Variants in DLG5 observed in about 807,000 individuals in gnomAD.
DLG5 encodes the protein discs large MAGUK scaffold protein 5.
Under a neutral mutation model 189.8 loss-of-function variants are expected in DLG5, and 48 were observed. The ratio of observed to expected loss-of-function variants is 0.25; its 90% confidence interval spans 0.20 to 0.32. The LOEUF is 0.32. Among genes scored for constraint, DLG5 ranks in the 10% least tolerant of loss-of-function variants. DLG5 has a pLI of 1.00. For missense variants in DLG5, 2,160 were observed against 2,544.7 expected, an observed-to-expected ratio of 0.85 and a Z score of 3.25; for synonymous variants, 1,016 against 1,054.1, an observed-to-expected ratio of 0.96 and a Z score of 0.70.
At chr10:77,823,651 C>T (rs1302699916) in intron 14 of DLG5, among the ~76,000 whole-genome samples, 1 of 151,818 alleles carries the variant, frequency 6.6e-6, no homozygotes, top group Non-Finnish European at 1.5e-5. Flanking sequence ...CTGCCTCAGT[C>T]TCCTGAGTAG....
At chr10:77,866,660 TG>T (rs1179477717) in intron 2 of DLG5, among the ~76,000 whole-genome samples, 4 of 151,866 alleles carry the variant, frequency 2.6e-5, no homozygotes, top group Non-Finnish European at 5.9e-5. Context: ...ACTGCAGACC[TG>T]GACACTGTCA....
Position 77,854,382 on chromosome 10 carries a change from A to C in DLG5, c.537-12T>G. On this transcript the variant is annotated splice_polypyrimidine_tract_variant and intron_variant, in intron 3 of 31. Transcript: ENST00000372391. ...GCCTGTGGTAGGGCCTGGCCCAGAG[A>C]GCGAATGGCCCCATGAACACAGGCC... 6.2e-7 allele frequency: 1 copy of C among 1,613,544 alleles called. No individual in the cohort carries two copies. The highest frequency in any genetic ancestry group is 2.2e-5 in the East Asian group (1 of 44,880).
chr10:77,834,136 C>A, intron 8 of DLG5, 97 bp from the exon 9 acceptor site: 1 of 1,464,894 alleles, frequency 6.8e-7, no homozygotes, highest in Non-Finnish European at 9.1e-7. Flanking sequence ...CTCCAAATAC[C>A]TGCCGGCACC....
At chr10:77,876,748 GA>G (rs60963892) in intron 1 of DLG5, among the ~76,000 whole-genome samples, 95,335 of 123,882 alleles carry the variant, frequency 0.77, 35,776 homozygotes, top group African/African-American at 0.85. Context: ...AGGAAGGAAG[GA>G]AAAAAAAAAA....
At chr10:77,830,620 C>T in intron 10 of DLG5, 121 bp downstream of exon 10, 1 of 1,480,224 alleles carries the variant, frequency 6.8e-7, no homozygotes, top group Non-Finnish European at 9.1e-7. Context: ...CCTCACACTC[C>T]TGGGAGGAAA....
chr10:77,801,268 TA>T (rs1841190001), intron 27 of DLG5, among the ~76,000 whole-genome samples: 1 of 151,874 alleles, frequency 6.6e-6, no homozygotes, highest in South Asian at 2.1e-4. Flanking sequence ...TAAAGCCTGG[TA>T]AAAAAGAACC....
chr10:77,870,996 A>G (rs1844875721), intron 1 of DLG5, among the ~76,000 whole-genome samples: 1 of 152,054 alleles, frequency 6.6e-6, no homozygotes, highest in African/African-American at 2.4e-5. Context: ...AGCAAGCAAA[A>G]AGCAACTTTG....
intron 1 of DLG5, among the ~76,000 whole-genome samples, chr10:77,897,358 A>AAAATAAATAAAT (rs566516489): frequency 6.6e-6 from 1 of 151,550 alleles, no homozygotes; most frequent in African/African-American, 2.4e-5. Flanking sequence ...TCCATCTCCA[A>AAAATAAATAAAT]AAATAAATAA....
chr10:77,794,224 G>T, intron 30 of DLG5, 107 bp from the exon 31 acceptor site: 1 of 922,670 alleles, frequency 1.1e-6, no homozygotes, highest in Non-Finnish European at 1.7e-6. Context: ...GGTAGGCTGT[G>T]GAGGGAGGCC....
At chr10:77,801,616 A>C (rs768278054) in intron 27 of DLG5, among the ~76,000 whole-genome samples, 6 of 152,232 alleles carry the variant, frequency 3.9e-5, no homozygotes, top group Non-Finnish European at 7.3e-5. Context: ...CAGGATAAAC[A>C]CAAAGAAAAC....
chr10:77,850,054 G>C (rs1843889187), intron 5 of DLG5, among the ~76,000 whole-genome samples: 1 of 151,738 alleles, frequency 6.6e-6, no homozygotes, highest in South Asian at 2.1e-4. Context: ...TTTCCTCTCT[G>C]AGTTATAATT....
chr10:77,902,183 C>A (rs1845945895), intron 1 of DLG5, among the ~76,000 whole-genome samples: 1 of 152,184 alleles, frequency 6.6e-6, no homozygotes, highest in Non-Finnish European at 1.5e-5. Flanking sequence ...GTAAAAGGAA[C>A]CCCTGGGGTC....
chr10:77,903,558 C>T (rs1345154803), intron 1 of DLG5, among the ~76,000 whole-genome samples: 3 of 147,850 alleles, frequency 2.0e-5, no homozygotes, highest in Non-Finnish European at 3.0e-5. Flanking sequence ...GCAGAGGTTG[C>T]GGTGAGCCGA....
In DLG5 at chr10:77,821,408, G is replaced by C. The variant is rs1290898851; in HGVS notation, c.3076C>G (p.His1026Asp). 2.5e-6 allele frequency: 4 copies of C among 1,612,646 alleles called. No homozygotes were observed. The East Asian group carries it at 8.9e-5, about 36-fold the overall frequency. The change falls in exon 15 of 32, where the codon CAC becomes GAC. Residue 1026 changes from histidine to aspartate, a missense_variant. Physicochemically the swap from His to Asp is moderately conservative, Grantham distance 81. Around this residue, in one of 5 missense-constraint regions of DLG5, gnomAD observed 754 missense variants for 746.5 expected, o/e 1.01. Transcript: ENST00000372391. The stretch of plus-strand genomic sequence containing the variant: ...GACTCGGAGCTAGTCTCCAGCCTGT[G>C]CTGGAACTTAATGGAGTCGCTCCTT... ...PRRSDSIKFQ[H>D]RLETSSESEA...
intron 4 of DLG5, 45 bp from the exon 5 acceptor site, chr10:77,853,582 A>C (rs1174870215): frequency 2.0e-6 from 3 of 1,468,076 alleles, no homozygotes; most frequent in South Asian, 1.4e-5. Flanking sequence ...CCAGCCCCTC[A>C]CACCCCGCCC....
intron 2 of DLG5, among the ~76,000 whole-genome samples, chr10:77,860,630 T>C (rs1375123543): frequency 6.6e-6 from 1 of 152,220 alleles, no homozygotes; most frequent in Non-Finnish European, 1.5e-5. Context: ...ATGCTTTTCA[T>C]ACATTATCCC....
intron 1 of DLG5, among the ~76,000 whole-genome samples, chr10:77,916,150 G>A (rs1846350746): frequency 6.6e-6 from 1 of 152,100 alleles, no homozygotes; most frequent in African/African-American, 2.4e-5. Context: ...AGCCCAGGAG[G>A]TTGAGGCCAC....
At position 77,825,919 on chromosome 10, in the gene DLG5, G is replaced by A. The variant is rs186839314; in HGVS notation, c.2290-1443C>T. 2.4e-3 allele frequency among the ~76,000 whole-genome samples: 365 copies of A among 152,148 alleles called. 3 individuals are homozygous for A. Among genetic ancestry groups the A allele is most frequent in the African/African-American group, 7.7e-3 (318 of 41,500 alleles). On this transcript the variant is annotated intron_variant, in intron 13 of 31. Coordinates refer to ENST00000372391, the MANE Select transcript of DLG5 (RefSeq NM_004747.4). The stretch of plus-strand genomic sequence containing the variant: ...ATCTGGAAGTAGTAAATTAATTTGT[G>A]GTTTTTTCCTTATAACATATCCACA...
chr10:77,920,843 T>G (rs1006768173), intron 1 of DLG5, among the ~76,000 whole-genome samples: 2 of 152,218 alleles, frequency 1.3e-5, no homozygotes, highest in Non-Finnish European at 2.9e-5. Flanking sequence ...AAAGGCCAGT[T>G]TCCACCATCC....
Sources: gnomAD v4.1 joint callset for allele counts (sites outside exome capture counted in the v4.1 genomes callset) on GRCh38, gnomAD v4.1.1 for gene constraint, gnomAD v4.1.1 regional missense constraint, MANE v1.5 for transcripts, NCBI Gene and HGNC (gene_info 2026-07-23, HGNC 2026-07-21) for gene names.